CEP152: variants seen among roughly 807,000 people sequenced by gnomAD.
CEP152 encodes the protein centrosomal protein 152, also known as centrosomal protein of 152 kDa.
CEP152 carries 132 observed loss-of-function variants against 188.9 expected under a neutral mutation model. That is an observed-to-expected ratio of 0.70 (90% CI 0.61 to 0.81). The LOEUF is 0.81. Ranked by LOEUF, CEP152 falls within the 30% of genes least tolerant of loss-of-function variation. The pLI is 0.00. For missense variants in CEP152, 1,914 were observed against 1,969.8 expected, an observed-to-expected ratio of 0.97 and a Z score of 0.54; for synonymous variants, 649 against 666.6, an observed-to-expected ratio of 0.97 and a Z score of 0.41.
At chr15:48,782,099 T>TC in intron 11 of CEP152, 40 bp downstream of exon 11, 1 of 1,558,166 alleles carries the variant, frequency 6.4e-7, no homozygotes, top group Non-Finnish European at 8.8e-7. Context: ...ACTGCCTAAT[T>TC]CAGATACCCA....
rs766587199 is a variant in CEP152 at position 48,762,613 on chromosome 15, A to G, written c.2340T>C (p.Thr780=). The G allele has an allele frequency of 1.9e-5, 30 of 1,613,866 alleles. No homozygotes were observed. Among genetic ancestry groups the G allele is most frequent in the Non-Finnish European group, 2.5e-5 (30 of 1,179,998 alleles). Residue 780 remains threonine (T), a synonymous_variant, in exon 18 of 27, where the codon ACT becomes ACC. Coordinates refer to ENST00000380950, the MANE Select transcript of CEP152 (RefSeq NM_001194998.2). ...AGGTCTTCTTTTTCATTGCCTTTAT[A>G]GTTTGATCCAGCTTAGACTGCCACT... ...EKEWQSKLDQ[T]IKAMKKKTLD... is the part of the protein sequence containing the mutation.
Position 48,738,546 on chromosome 15 carries a change from T to A in CEP152, c.4836A>T (p.Ser1612=). 1 of 1,614,220 alleles carries A rather than the reference T, an allele frequency of 6.2e-7. No homozygotes were observed. Among genetic ancestry groups the A allele is most frequent in the Non-Finnish European group, 8.5e-7 (1 of 1,180,032 alleles). ...PSESVKSKQF[S]PSGYLSDTEE... is the part of the protein sequence containing the mutation. ...CTGTATCTGAAAGATAACCGGATGG[T>A]GAAAACTGTTTGGATTTAACAGATT... Residue 1612 remains serine (S), a synonymous_variant, in exon 27 of 27, where the codon TCA becomes TCT. Coordinates refer to ENST00000380950, the MANE Select transcript of CEP152 (RefSeq NM_001194998.2).
chr15:48,759,140 AC>A (rs1176751416), intron 19 of CEP152, among the ~76,000 whole-genome samples: 1 of 151,980 alleles, frequency 6.6e-6, no homozygotes, highest in Non-Finnish European at 1.5e-5. Flanking sequence ...TATTCCCTTT[AC>A]TTTTTACTAC....
chr15:48,739,120 C>T lies in CEP152; in HGVS notation c.4262G>A (p.Arg1421Lys). Residue 1421 changes from arginine (R) to lysine (K), a missense_variant, in exon 27 of 27, where the codon AGG becomes AAG. Arg to Lys is a conservative substitution (Grantham distance 26, BLOSUM62 2). Transcript: ENST00000380950. ...PKRRAACNLQ[R>K]LLENSEHQSI... ...CTGATGCTCTGAGTTCTCTAACAGC[C>T]TTTGTAAGTTACAAGCTGCCCTCCT... 6.2e-7 allele frequency: 1 copy of T among 1,614,174 alleles called. No individual in the cohort carries two copies. The highest frequency in any genetic ancestry group is 8.5e-7 in the Non-Finnish European group (1 of 1,180,014).
rs1892781728 is a variant in CEP152 at position 48,739,150 on chromosome 15, G to A, written c.4232C>T (p.Pro1411Leu). The change falls in exon 27 of 27, where the codon CCC (proline) becomes CTC (leucine). Residue 1411 changes from proline (P) to leucine (L), a missense_variant. Coordinates refer to ENST00000380950, the MANE Select transcript of CEP152 (RefSeq NM_001194998.2). ...TITRTLCEQAPKRRAACNLQR... is the reference protein window; with the variant it reads ...TITRTLCEQALKRRAACNLQR... The stretch of plus-strand genomic sequence containing the variant: ...TAAGTTACAAGCTGCCCTCCTCTTG[G>A]GAGCTTGTTCGCACAGAGTTCTGGT... The A allele has an allele frequency of 6.2e-7, 1 of 1,614,074 alleles. No homozygotes were observed. Among genetic ancestry groups the A allele is most frequent in the African/African-American group, 1.3e-5 (1 of 75,010 alleles).
intron 8 of CEP152, chr15:48,789,283 T>C: frequency 2.1e-6 from 1 of 468,264 alleles, no homozygotes. Flanking sequence ...TGGATGTGGC[T>C]ATCAGGCACG....
In CEP152 at chr15:48,738,105, A is replaced by C. The variant is rs1038958499; in HGVS notation, c.*144T>G. The C allele has an allele frequency of 1.1e-6, 1 of 889,476 alleles. No individual in the cohort carries two copies. The highest frequency in any genetic ancestry group is 1.7e-5 in the African/African-American group (1 of 59,188). 55.1% of individuals were successfully genotyped at this position (889,476 alleles called of 1,614,324 possible). On this transcript the variant is annotated 3_prime_UTR_variant, in exon 27 of 27. Transcript: ENST00000380950. ...TTAAGGCAACATAAATATCTCAAGC[A>C]ATTTTAGAAGAATGCTTTACTTATA... is the stretch of plus-strand genomic sequence containing the variant.
At chr15:48,795,505 G>T (rs1165920175) in intron 6 of CEP152, among the ~76,000 whole-genome samples, 3 of 152,100 alleles carry the variant, frequency 2.0e-5, no homozygotes, top group Non-Finnish European at 4.4e-5. Context: ...TTCATAAAAA[G>T]TCTTTTAAAA....
intron 19 of CEP152, 23 bp downstream of exon 19, chr15:48,760,112 T>C (rs764196205): frequency 6.2e-6 from 10 of 1,613,632 alleles, no homozygotes; most frequent in South Asian, 1.1e-5. Flanking sequence ...CCTCCTGAAG[T>C]GTCTTTGCAG....
chr15:48,775,883 G>A (rs1895860284), intron 12 of CEP152, among the ~76,000 whole-genome samples: 2 of 151,120 alleles, frequency 1.3e-5, no homozygotes, highest in Admixed American at 6.6e-5. Context: ...TTAAGTGGGT[G>A]TCTTTTATGG....
intron 2 of CEP152, 28 bp downstream of exon 2, chr15:48,805,535 C>CTTTTTT (rs372967874): frequency 1.1e-5 from 14 of 1,239,734 alleles, no homozygotes; most frequent in Non-Finnish European, 1.2e-5. Flanking sequence ...TTTAGTGTCT[C>CTTTTTT]TTTTTTTTTT....
In CEP152 at chr15:48,744,308, A is replaced by C. The variant is rs1042971917; in HGVS notation, c.3767T>G (p.Leu1256Arg). The C allele has an allele frequency of 4.3e-6, 7 of 1,613,988 alleles. No homozygotes were observed. Among genetic ancestry groups the C allele is most frequent in the African/African-American group, 2.7e-5 (2 of 74,934 alleles). ...TTCCAAGGCTCCCCCACTGCATGGC[A>C]GGCAAGCATTTTCAATGGCCCCTGC... is the stretch of plus-strand genomic sequence containing the variant. ...LSAGAIENACLPCSGGALEEL... is the reference protein window; with the variant it reads ...LSAGAIENACRPCSGGALEEL... Residue 1256 changes from leucine (L) to arginine (R), a missense_variant, in exon 24 of 27, where the codon CTG becomes CGG. Transcript: ENST00000380950.
chr15:48,792,972 C>T (rs2140891226), intron 7 of CEP152, among the ~76,000 whole-genome samples: 1 of 152,186 alleles, frequency 6.6e-6, no homozygotes, highest in South Asian at 2.1e-4. Flanking sequence ...CAGGTGCCTG[C>T]CACTATGCCC....
chr15:48,797,846 A>G, intron 3 of CEP152, 102 bp downstream of exon 3: 1 of 1,493,346 alleles, frequency 6.7e-7, no homozygotes, highest in Non-Finnish European at 9.2e-7. Context: ...AAATTTTAAG[A>G]ATCAATTTAC....
At position 48,781,245 on chromosome 15, in the gene CEP152, C is replaced by T. The variant is rs758484832; in HGVS notation, c.1528G>A (p.Val510Met). ...ELNIELTESY[V>M]DLGIKKVNWK... ...TTGACCTTTTTAATACCCAAATCCA[C>T]ATACGATTCAGTGAGTTCTATATTT... is the stretch of plus-strand genomic sequence containing the variant. The change falls in exon 12 of 27, where the codon GTG (valine) becomes ATG (methionine). Residue 510 changes from valine (V) to methionine (M), a missense_variant. By Grantham distance (21) the Val-to-Met change is conservative. Coordinates refer to ENST00000380950, the MANE Select transcript of CEP152 (RefSeq NM_001194998.2). 1.9e-5 allele frequency: 30 copies of T among 1,613,474 alleles called. No homozygotes were observed. Among genetic ancestry groups the T allele is most frequent in the Non-Finnish European group, 2.3e-5 (27 of 1,179,712 alleles).
chr15:48,791,415 T>C, intron 7 of CEP152, 39 bp from the exon 8 acceptor site: 1 of 1,574,558 alleles, frequency 6.4e-7, no homozygotes. Context: ...AATGTTCCTG[T>C]AGAGGGACCC....
Position 48,768,945 on chromosome 15 carries a change from T to G in CEP152, c.1908+11A>C, listed in dbSNP as rs750741991. 2.7e-6 allele frequency: 4 copies of G among 1,465,274 alleles called. No homozygotes were observed. The highest frequency in any genetic ancestry group is 4.8e-5 in the East Asian group (2 of 41,302). The allele number at this position is 1,465,274 out of a possible 1,614,324, so 90.8% of individuals were successfully genotyped here. ...AAATTCTCATAAAATATAAAAAATATTTTTAATCACCTGATTTTGTTGTTG... is the reference window on the plus strand; with the variant it reads ...AAATTCTCATAAAATATAAAAAATAGTTTTAATCACCTGATTTTGTTGTTG... On this transcript the variant is annotated intron_variant, in intron 14 of 26. Coordinates refer to ENST00000380950, the MANE Select transcript of CEP152 (RefSeq NM_001194998.2).
chr15:48,771,575 A>C (rs1360061258), intron 13 of CEP152, among the ~76,000 whole-genome samples: 2 of 152,216 alleles, frequency 1.3e-5, no homozygotes, highest in Non-Finnish European at 2.9e-5. Flanking sequence ...CTTGTTACAG[A>C]GAATACTTCC....
intron 2 of CEP152, among the ~76,000 whole-genome samples, 167 bp from the exon 3 acceptor site, chr15:48,798,218 T>C (rs1244647048): frequency 6.6e-6 from 1 of 151,984 alleles, no homozygotes. Context: ...TCATTTCACT[T>C]GGGGAAAAGG....
Sources: gnomAD v4.1 joint callset for allele counts (sites outside exome capture counted in the v4.1 genomes callset) on GRCh38, gnomAD v4.1.1 for gene constraint, MANE v1.5 for transcripts, NCBI Gene and HGNC (gene_info 2026-07-23, HGNC 2026-07-21) for gene names.